The following FRMPD3 variants were observed in gnomAD, a reference collection of about 807,000 sequenced individuals.
The protein encoded by FRMPD3 is FERM and PDZ domain-containing protein 3.
A neutral mutation model predicts 97.9 loss-of-function variants in FRMPD3; 42 were observed. The observed-to-expected ratio is 0.43, with a 90% confidence interval of 0.34 to 0.55. The LOEUF (loss-of-function observed/expected upper bound fraction) is 0.55. Ranked by LOEUF, FRMPD3 falls within the 20% of genes least tolerant of loss-of-function variation. The probability of loss-of-function intolerance (pLI) is 0.03; values close to 1 mark genes in which losing one functional copy is unlikely to be tolerated. For missense variants in FRMPD3, 1,303 were observed against 1,457.7 expected (o/e 0.89, Z 1.73); for synonymous variants, 577 against 581.1 (o/e 0.99, Z 0.10).
Position 107,603,176 on chromosome X carries a change from C to T in FRMPD3, c.5137C>T (p.Arg1713Cys), listed in dbSNP as rs754551290. Residue 1713 changes from arginine to cysteine, a missense_variant, in exon 15 of 15, where the codon CGT becomes TGT. This residue lies in a region of FRMPD3 where 764 missense variants were observed against 820.2 expected (regional missense o/e 0.93). Coordinates refer to ENST00000683843, the MANE Select transcript of FRMPD3 (RefSeq NM_001388459.1). ...LLRAAEESTA[R>C]NLNQQQQQQQ... ...GCGTGCAGCTGAGGAGTCCACAGCCCGTAACCTTAACCAGCAGCAGCAGCA... is the reference window on the plus strand; with the variant it reads ...GCGTGCAGCTGAGGAGTCCACAGCCTGTAACCTTAACCAGCAGCAGCAGCA... 1.5e-4 allele frequency: 183 copies of T among 1,192,407 alleles called. No individual in the cohort carries two copies. In the South Asian group the frequency reaches 2.0e-3, roughly 13 times the overall value.
chrX:107,585,915 T>C (rs1923622586), intron 13 of FRMPD3, among the ~76,000 whole-genome samples: 1 of 112,189 alleles, frequency 8.9e-6, no homozygotes, highest in Non-Finnish European at 1.9e-5. Flanking sequence ...TTTTTTGTTG[T>C]GTCTCTTTCT....
intron 11 of FRMPD3, among the ~76,000 whole-genome samples, chrX:107,564,543 C>T (rs1337300384): frequency 8.9e-6 from 1 of 112,194 alleles, no homozygotes; most frequent in Admixed American, 9.4e-5. Context: ...AAATGGAAAG[C>T]CCCTGGGGCT....
At chrX:107,599,941 A>G (rs1475387373) in intron 14 of FRMPD3, among the ~76,000 whole-genome samples, 1 of 111,511 alleles carries the variant, frequency 9.0e-6, no homozygotes, top group Non-Finnish European at 1.9e-5. Context: ...TTCTGCATCC[A>G]CTGATTCAAC....
chrX:107,575,012 A>C (rs1465319270), intron 12 of FRMPD3, among the ~76,000 whole-genome samples: 2 of 112,430 alleles, frequency 1.8e-5, no homozygotes, highest in Non-Finnish European at 3.8e-5. Flanking sequence ...TTAAAATTAC[A>C]ATACAGATAC....
At chrX:107,518,133 A>C (rs1441485736) in intron 1 of FRMPD3, among the ~76,000 whole-genome samples, 1 of 111,598 alleles carries the variant, frequency 9.0e-6, no homozygotes, top group East Asian at 2.8e-4. Context: ...GGAGAGTAAG[A>C]ATGGTAATAA....
chrX:107,453,898 T>C (rs1931333025), intron 1 of FRMPD3, among the ~76,000 whole-genome samples: 1 of 112,024 alleles, frequency 8.9e-6, no homozygotes, highest in Non-Finnish European at 1.9e-5. Flanking sequence ...AATGGGAATA[T>C]GTGTATAACG....
chrX:107,553,881 G>T (rs970960013), intron 7 of FRMPD3, among the ~76,000 whole-genome samples: 3 of 112,045 alleles, frequency 2.7e-5, no homozygotes, highest in African/African-American at 9.7e-5. Flanking sequence ...CAAGTAGGAG[G>T]AATATAGTAT....
At chrX:107,474,227 C>G (rs1449672726) in intron 1 of FRMPD3, among the ~76,000 whole-genome samples, 1 of 112,025 alleles carries the variant, frequency 8.9e-6, no homozygotes, top group African/African-American at 3.3e-5. Context: ...TTGCCCTGGC[C>G]GTGCAGCTTA....
At chrX:107,466,990 GT>G (rs1931576959) in intron 1 of FRMPD3, among the ~76,000 whole-genome samples, 1 of 63,200 alleles carries the variant, frequency 1.6e-5, no homozygotes, top group Non-Finnish European at 2.8e-5. Flanking sequence ...CAGGTTGGAG[GT>G]GTGTGTGTGT....
At chrX:107,560,428 G>A (rs769648186) in intron 9 of FRMPD3, 35 bp downstream of exon 9, 38 of 1,200,096 alleles carry the variant, frequency 3.2e-5, no homozygotes, top group Non-Finnish European at 4.0e-5. Flanking sequence ...GATGGGGGGC[G>A]AATAGTTGCG....
chrX:107,566,893 G>A (rs7884398), intron 12 of FRMPD3, among the ~76,000 whole-genome samples: 21,050 of 111,197 alleles, frequency 0.19, 4,293 homozygotes, highest in African/African-American at 0.61. Flanking sequence ...TATTTCTAGG[G>A]GTGATCCAGC....
intron 1 of FRMPD3, among the ~76,000 whole-genome samples, chrX:107,477,403 G>A (rs1382298343): frequency 3.6e-5 from 4 of 112,330 alleles, no homozygotes; most frequent in Non-Finnish European, 7.5e-5. Flanking sequence ...GGAGAGGCCA[G>A]GCAACTGGCT....
intron 1 of FRMPD3, among the ~76,000 whole-genome samples, chrX:107,509,906 A>G (rs1261654320): frequency 2.7e-5 from 3 of 111,424 alleles, no homozygotes. Context: ...GGCACATAGT[A>G]GGTGCTCAGT....
chrX:107,489,542 A>T (rs1215318680), intron 1 of FRMPD3, among the ~76,000 whole-genome samples: 4 of 111,718 alleles, frequency 3.6e-5, no homozygotes, highest in African/African-American at 1.3e-4. Context: ...CTGGTGTGAG[A>T]TGGTATCTCA....
chrX:107,487,091 A>T (rs1305524615), intron 1 of FRMPD3, among the ~76,000 whole-genome samples: 1 of 94,250 alleles, frequency 1.1e-5, no homozygotes, highest in African/African-American at 3.9e-5. Flanking sequence ...CTAAAAATAC[A>T]AAAAAAAAAA....
chrX:107,454,906 A>T (rs1052875257), intron 1 of FRMPD3, among the ~76,000 whole-genome samples: 1 of 111,798 alleles, frequency 8.9e-6, no homozygotes, highest in Non-Finnish European at 1.9e-5. Context: ...CTTCTGATTC[A>T]GTAGGTCTGG....
chrX:107,589,756 T>TA (rs1420952812), intron 13 of FRMPD3, among the ~76,000 whole-genome samples: 1 of 112,755 alleles, frequency 8.9e-6, no homozygotes, highest in Non-Finnish European at 1.9e-5. Flanking sequence ...ATTTAAATAA[T>TA]AAAAAATAAG....
rs556307375 is a variant in FRMPD3, at chrX:107,597,666, C to G, written c.1787C>G (p.Ser596Cys). 1.1e-4 allele frequency: 138 copies of G among 1,208,787 alleles called. 1 individual carries two copies. In the South Asian group the frequency reaches 2.4e-3, roughly 21 times the overall value. The change falls in exon 14 of 15, where the codon TCC (serine) becomes TGC (cysteine). Residue 596 changes from serine (S) to cysteine (C), a missense_variant. Coordinates refer to ENST00000683843, the MANE Select transcript of FRMPD3 (RefSeq NM_001388459.1). ...GAGCCTTGTGCCAGCAGGGCCCGGT[C>G]CTACACCTTGGACAATTCCCTTGGG... ...DHEPCASRAR[S>C]YTLDNSLGAE...
At chrX:107,471,009 G>A (rs538204601) in intron 1 of FRMPD3, among the ~76,000 whole-genome samples, 2 of 112,633 alleles carry the variant, frequency 1.8e-5, no homozygotes, top group African/African-American at 3.2e-5. Context: ...AAAGCCCAGC[G>A]CTATGGGCGT....
Sources: allele counts gnomAD v4.1 joint callset (sites outside exome capture counted in the v4.1 genomes callset), GRCh38; gene constraint gnomAD v4.1.1; regional missense constraint gnomAD v4.1.1; transcripts MANE v1.5; gene names NCBI Gene and HGNC (gene_info 2026-07-23, HGNC 2026-07-21).